The following EPS15 variants were observed in gnomAD, a reference collection of about 807,000 sequenced individuals.
EPS15 encodes the protein epidermal growth factor receptor substrate 15.
In EPS15, 72 loss-of-function variants were observed where a neutral mutation model predicts 113.8. The observed-to-expected ratio is 0.63, with a 90% CI of 0.52 to 0.77. The LOEUF (loss-of-function observed/expected upper bound fraction) is 0.77. Ranked by LOEUF, EPS15 falls within the 30% of genes least tolerant of loss-of-function variation. The pLI, the probability that EPS15 is intolerant of heterozygous loss-of-function variation, is 0.00. For missense variants in EPS15, 1,048 were observed against 1,045.8 expected (o/e 1.00, Z -0.03); for synonymous variants, 344 against 363.4 (o/e 0.95, Z 0.61).
chr1:51,431,673 T>C (rs1651750199), intron 12 of EPS15, among the ~76,000 whole-genome samples: 1 of 152,098 alleles, frequency 6.6e-6, no homozygotes, highest in African/African-American at 2.4e-5. Context: ...TTCAAACTCC[T>C]GACCCTCAGG....
At chr1:51,490,194 T>C in intron 1 of EPS15, 1 of 376,676 alleles carries the variant, frequency 2.7e-6, no homozygotes, top group East Asian at 1.1e-4. Flanking sequence ...AGTACATGAC[T>C]TTGAGAGTAC....
chr1:51,500,762 A>T (rs1644397847), intron 1 of EPS15, among the ~76,000 whole-genome samples: 1 of 152,006 alleles, frequency 6.6e-6, no homozygotes, highest in Admixed American at 6.6e-5. Flanking sequence ...AGGTGGGAGG[A>T]TCACGAGGTC....
At chr1:51,360,700 G>C (rs903418647) in intron 24 of EPS15, among the ~76,000 whole-genome samples, 8 of 151,732 alleles carry the variant, frequency 5.3e-5, no homozygotes, top group African/African-American at 1.9e-4. Context: ...AGAATCTCTG[G>C]CTCTATCCTC....
chr1:51,397,565 G>A (rs956686784), intron 20 of EPS15, among the ~76,000 whole-genome samples: 1 of 152,108 alleles, frequency 6.6e-6, no homozygotes, highest in African/African-American at 2.4e-5. Flanking sequence ...AGAAGAATTT[G>A]GCAAATGGGT....
intron 1 of EPS15, among the ~76,000 whole-genome samples, chr1:51,485,634 C>G (rs1278009097): frequency 6.6e-6 from 1 of 152,156 alleles, no homozygotes; most frequent in Non-Finnish European, 1.5e-5. Context: ...GCTTTTGAAG[C>G]TTTTAGCAAA....
intron 21 of EPS15, among the ~76,000 whole-genome samples, chr1:51,373,749 G>A (rs142140696): frequency 4.6e-5 from 7 of 152,208 alleles, no homozygotes; most frequent in African/African-American, 1.4e-4. Flanking sequence ...TCAGGAGTTC[G>A]AGACCAGCCT....
intron 12 of EPS15, among the ~76,000 whole-genome samples, chr1:51,428,265 T>G (rs978493033): frequency 6.6e-6 from 1 of 152,192 alleles, no homozygotes; most frequent in Non-Finnish European, 1.5e-5. Context: ...CAGGTTAAAA[T>G]GAAAGGATGC....
rs190609448 is a variant in EPS15 at position 51,381,517 on chromosome 1, C to T, written c.2119+12864G>A. ...CTGAGGCAGGAGAATTGCTTGAACCCGGGAGGCAGAGGTTGCAGTGAGCTG... is the reference window on the plus strand; with the variant it reads ...CTGAGGCAGGAGAATTGCTTGAACCTGGGAGGCAGAGGTTGCAGTGAGCTG... On this transcript the variant is annotated intron_variant, in intron 21 of 24. Transcript: ENST00000371733. Among the ~76,000 whole-genome samples the T allele has an allele frequency of 1.1e-4, 17 of 152,146 alleles. 1 individual carries two copies. In the East Asian group the frequency reaches 3.3e-3, roughly 29 times the overall value.
chr1:51,423,958 T>C (rs1650992659), intron 12 of EPS15, among the ~76,000 whole-genome samples: 2 of 152,058 alleles, frequency 1.3e-5, no homozygotes, highest in Non-Finnish European at 2.9e-5. Flanking sequence ...GAGGAAAGGA[T>C]GGTGTTATCT....
chr1:51,419,833 T>C (rs1650577471), intron 13 of EPS15, among the ~76,000 whole-genome samples: 1 of 152,102 alleles, frequency 6.6e-6, no homozygotes, highest in Admixed American at 6.6e-5. Flanking sequence ...TATTACCACC[T>C]ATGGTAAGTT....
At chr1:51,458,467 T>A in intron 8 of EPS15, 1 of 398,042 alleles carries the variant, frequency 2.5e-6, no homozygotes, top group African/African-American at 2.2e-5. Flanking sequence ...CCTGAAGAGG[T>A]GGCTCATGCC....
intron 13 of EPS15, among the ~76,000 whole-genome samples, chr1:51,410,165 G>A (rs890897761): frequency 6.6e-6 from 1 of 151,834 alleles, no homozygotes; most frequent in Non-Finnish European, 1.5e-5. Flanking sequence ...GGAGGTGGAG[G>A]TTGCAGCGAG....
intron 19 of EPS15, among the ~76,000 whole-genome samples, chr1:51,399,535 T>C (rs558733540): frequency 1.3e-5 from 2 of 148,814 alleles, no homozygotes; most frequent in Non-Finnish European, 3.0e-5. Flanking sequence ...TGGGTGACAG[T>C]GAGACCCTGT....
At chr1:51,360,290 G>A (rs951833284) in intron 24 of EPS15, among the ~76,000 whole-genome samples, 8 of 152,024 alleles carry the variant, frequency 5.3e-5, no homozygotes, top group African/African-American at 1.7e-4. Context: ...CAATGATAAC[G>A]AAGGTTATTT....
chr1:51,468,652 T>C, intron 4 of EPS15, 84 bp from the exon 5 acceptor site: 1 of 857,308 alleles, frequency 1.2e-6, no homozygotes, highest in South Asian at 1.6e-5. Flanking sequence ...TCTAAAAATA[T>C]AAAACAATTC....
intron 23 of EPS15, 37 bp downstream of exon 23, chr1:51,363,829 C>A: frequency 6.4e-7 from 1 of 1,570,108 alleles, no homozygotes; most frequent in South Asian, 1.2e-5. Context: ...AGAGAAAAGC[C>A]ATGCAGTTGA....
At chr1:51,507,133 A>G (rs1170815840) in intron 1 of EPS15, among the ~76,000 whole-genome samples, 1 of 152,220 alleles carries the variant, frequency 6.6e-6, no homozygotes, top group Non-Finnish European at 1.5e-5. Context: ...TGATTTCAAA[A>G]CTCAAATGTA....
intron 1 of EPS15, among the ~76,000 whole-genome samples, chr1:51,489,303 A>ATATATATATATATATG (rs1360006242): frequency 3.6e-5 from 5 of 140,092 alleles, no homozygotes; most frequent in African/African-American, 1.4e-4. Context: ...ATATATATAT[A>ATATATATATATATATG]TATGTATGTA....
intron 1 of EPS15, among the ~76,000 whole-genome samples, chr1:51,495,265 T>A (rs548825904): frequency 6.6e-6 from 1 of 152,320 alleles, no homozygotes; most frequent in South Asian, 2.1e-4. Flanking sequence ...ACTGTTAGAA[T>A]TGATGTTTCC....
Sources: allele counts gnomAD v4.1 joint callset (sites outside exome capture counted in the v4.1 genomes callset), GRCh38; gene constraint gnomAD v4.1.1; transcripts MANE v1.5; gene names NCBI Gene and HGNC (gene_info 2026-07-23, HGNC 2026-07-21).